The following PCDH17 variants were observed in gnomAD, a reference collection of about 807,000 sequenced individuals.
PCDH17 encodes the protein protocadherin 17.
In PCDH17, 21 loss-of-function variants were observed where a neutral mutation model predicts 67.7. The ratio of observed to expected loss-of-function variants is 0.31; its 90% CI spans 0.22 to 0.45. PCDH17 has a LOEUF of 0.45. Ranked by LOEUF, PCDH17 falls within the 20% of genes least tolerant of loss-of-function variation. PCDH17 has a pLI of 1.00. For synonymous variants in PCDH17, 701 were observed against 656.7 expected, an observed-to-expected ratio of 1.07 and a Z score of -1.03; for missense variants, 1,471 against 1,564.8, an observed-to-expected ratio of 0.94 and a Z score of 1.01.
chr13:57,689,829 T>C (rs1955541360), intron 3 of PCDH17, among the ~76,000 whole-genome samples: 1 of 151,888 alleles, frequency 6.6e-6, no homozygotes, highest in Non-Finnish European at 1.5e-5. Flanking sequence ...CATACCTCTA[T>C]TCTGGGAAAA....
chr13:57,695,812 A>G (rs1434139382), intron 3 of PCDH17, among the ~76,000 whole-genome samples: 1 of 151,392 alleles, frequency 6.6e-6, no homozygotes, highest in African/African-American at 2.4e-5. Flanking sequence ...TTTATATCTT[A>G]TTTCCATGTT....
chr13:57,634,149 T>C lies in PCDH17; in HGVS notation c.1603T>C (p.Tyr535His). 1 of 1,613,658 alleles carries C rather than the reference T, an allele frequency of 6.2e-7. No individual in the cohort carries two copies. Among genetic ancestry groups the C allele is most frequent in the Non-Finnish European group, 8.5e-7 (1 of 1,180,028 alleles). ...TGTGAATCCCACGAACGGGGCCATC[T>C]ACGCCCTGCGCTCCTTTAACTTCGA... is the stretch of plus-strand genomic sequence containing the variant. ...VSVNPTNGAI[Y>H]ALRSFNFEQT... Residue 535 changes from tyrosine to histidine, a missense_variant, in exon 1 of 4, where the codon TAC (tyrosine) becomes CAC (histidine). Physicochemically the swap from Tyr to His is moderately conservative, Grantham distance 83. Coordinates refer to ENST00000377918, the MANE Select transcript of PCDH17 (RefSeq NM_001040429.3). This position sits in a 1 kb window ranked among gnomAD's most constrained non-coding sequence, Gnocchi z 7.8.
chr13:57,693,213 T>A (rs1416149201), intron 3 of PCDH17, among the ~76,000 whole-genome samples: 1 of 1,992 alleles, frequency 5.0e-4, no homozygotes, highest in Non-Finnish European at 6.4e-4. Context: ...CAGACCAACA[T>A]CTTTTTTTTT....
At chr13:57,723,358 A>C (rs1054041582) in intron 3 of PCDH17, among the ~76,000 whole-genome samples, 1 of 152,178 alleles carries the variant, frequency 6.6e-6, no homozygotes, top group Admixed American at 6.5e-5. Context: ...AATTATTTAC[A>C]TGCTTTAAGT....
chr13:57,657,767 A>G (rs753139897), intron 1 of PCDH17, among the ~76,000 whole-genome samples: 7 of 152,194 alleles, frequency 4.6e-5, no homozygotes, highest in Admixed American at 1.3e-4. Context: ...ATTTTTCAAA[A>G]TTTTATTTCT....
chr13:57,641,587 A>AATATAT (rs1166347188), intron 1 of PCDH17, among the ~76,000 whole-genome samples: 288 of 20,572 alleles, frequency 0.014, 2 homozygotes, highest in Non-Finnish European at 0.018. Flanking sequence ...AAAAAAAAAA[A>AATATAT]ATATATATAT....
chr13:57,645,911 C>T (rs376538920), intron 1 of PCDH17, among the ~76,000 whole-genome samples: 7 of 150,900 alleles, frequency 4.6e-5, no homozygotes, highest in Non-Finnish European at 5.9e-5. Context: ...ATGATCATTT[C>T]GTCTATATAT....
chr13:57,689,658 G>T (rs1955538974), intron 3 of PCDH17, among the ~76,000 whole-genome samples: 1 of 151,784 alleles, frequency 6.6e-6, no homozygotes, highest in Admixed American at 6.6e-5. Context: ...TTCTGTATAT[G>T]CATAATGCAA....
In PCDH17 at chr13:57,633,218, C is replaced by G; in HGVS notation, c.672C>G (p.Ser224=). 6.2e-7 allele frequency: 1 copy of G among 1,613,294 alleles called. No homozygotes were observed. Among genetic ancestry groups the G allele is most frequent in the Non-Finnish European group, 8.5e-7 (1 of 1,180,000 alleles). ...TALDGGEPPR[S]ATVQINVKVI... is the part of the protein sequence containing the mutation. ...TGGACGGTGGCGAGCCTCCACGTTC[C>G]GCCACCGTACAGATCAACGTGAAGG... The change falls in exon 1 of 4, where the codon TCC becomes TCG. Residue 224 remains serine, a synonymous_variant. Transcript: ENST00000377918. This position sits in a 1 kb window ranked among gnomAD's most constrained non-coding sequence, Gnocchi z 6.2.
intron 3 of PCDH17, among the ~76,000 whole-genome samples, chr13:57,716,967 A>G (rs1955822440): frequency 6.6e-6 from 1 of 152,000 alleles, no homozygotes; most frequent in African/African-American, 2.4e-5. Context: ...GTGCCCACAA[A>G]ATGTGAGCTG....
At position 57,661,845 on chromosome 13, in the gene PCDH17, G is replaced by A. The variant is rs186363617; in HGVS notation, c.2566-4623G>A. ...GCAATACTGCAGTCTTCATTAGTGT[G>A]GCTTCAATAGTAAGTCTTTTTGTTG... On this transcript the variant is annotated intron_variant, in intron 1 of 3. Transcript: ENST00000377918. Among the ~76,000 whole-genome samples, 526 of 152,130 alleles carry A rather than the reference G, an allele frequency of 3.5e-3. 3 individuals are homozygous for A. Among genetic ancestry groups the A allele is most frequent in the African/African-American group, 0.012 (492 of 41,516 alleles).
At chr13:57,686,106 G>A (rs1374491094) in intron 3 of PCDH17, among the ~76,000 whole-genome samples, 1 of 151,370 alleles carries the variant, frequency 6.6e-6, no homozygotes, top group East Asian at 2.0e-4. Flanking sequence ...AAAAAGTGTT[G>A]AATTGAGCTA....
chr13:57,658,901 G>T (rs747078466), intron 1 of PCDH17, among the ~76,000 whole-genome samples: 2 of 151,756 alleles, frequency 1.3e-5, no homozygotes, highest in African/African-American at 2.4e-5. Context: ...TGCCTCAGCC[G>T]CCATCTCTAC....
At position 57,661,946 on chromosome 13, in the gene PCDH17, G is replaced by A. The variant is rs557695605; in HGVS notation, c.2566-4522G>A. On this transcript the variant is annotated intron_variant, in intron 1 of 3. Coordinates refer to ENST00000377918, the MANE Select transcript of PCDH17 (RefSeq NM_001040429.3). ...GCAGATTGAGCTCACTGAAACCTCCGCCTCCTGGATTCAAGCGATTCTCGT... is the reference window on the plus strand; with the variant it reads ...GCAGATTGAGCTCACTGAAACCTCCACCTCCTGGATTCAAGCGATTCTCGT... 1.8e-4 allele frequency among the ~76,000 whole-genome samples: 28 copies of A among 152,098 alleles called. No individual in the cohort carries two copies. In the South Asian group the frequency reaches 5.0e-3, roughly 27 times the overall value.
At chr13:57,703,925 C>T (rs1955691547) in intron 3 of PCDH17, among the ~76,000 whole-genome samples, 1 of 152,022 alleles carries the variant, frequency 6.6e-6, no homozygotes. Flanking sequence ...TAGGCTCAGT[C>T]TTTTTGATTG....
intron 3 of PCDH17, among the ~76,000 whole-genome samples, chr13:57,695,229 AG>A (rs1246967177): frequency 2.6e-5 from 4 of 151,298 alleles, no homozygotes; most frequent in Non-Finnish European, 5.9e-5. Flanking sequence ...ATAAAACAAA[AG>A]CTTCAAGTAT....
intron 3 of PCDH17, among the ~76,000 whole-genome samples, chr13:57,680,139 CAT>C (rs141639325): frequency 4.4e-4 from 65 of 148,572 alleles, no homozygotes; most frequent in South Asian, 1.7e-3. Context: ...GTTATATCTA[CAT>C]ATATATATAT....
intron 3 of PCDH17, among the ~76,000 whole-genome samples, chr13:57,676,368 G>T (rs1593919588): frequency 6.6e-6 from 1 of 151,948 alleles, no homozygotes; most frequent in African/African-American, 2.4e-5. Context: ...TTACTAAGGT[G>T]GTGAAGACAG....
intron 1 of PCDH17, among the ~76,000 whole-genome samples, chr13:57,648,342 T>C (rs142151339): frequency 4.9e-4 from 74 of 152,086 alleles, no homozygotes; most frequent in African/African-American, 1.4e-3. Flanking sequence ...ATGAAAGCAT[T>C]TGAAATTCAA....
Sources: gnomAD v4.1 joint callset for allele counts (sites outside exome capture counted in the v4.1 genomes callset) on GRCh38, gnomAD v4.1.1 for gene constraint, Gnocchi (gnomAD v3.1) non-coding constraint, MANE v1.5 for transcripts, NCBI Gene and HGNC (gene_info 2026-07-23, HGNC 2026-07-21) for gene names.